Variants in ALMS1 observed in about 807,000 individuals in gnomAD.
The protein encoded by ALMS1 is ALMS1 centrosome and basal body associated protein.
ALMS1 carries 271 observed loss-of-function variants against 352.2 expected under a neutral mutation model. The ratio of observed to expected loss-of-function variants is 0.77; its 90% CI spans 0.70 to 0.85. The LOEUF is 0.85. Ranked by LOEUF, ALMS1 falls within the 40% of genes least tolerant of loss-of-function variation. The pLI is 0.00. For synonymous variants in ALMS1, 1,865 were observed against 1,761.2 expected (o/e 1.06, Z -1.48); for missense variants, 5,445 against 4,870.7 (o/e 1.12, Z -3.51).
At position 73,480,645 on chromosome 2, in the gene ALMS1, C is replaced by T. The variant is rs913140869; in HGVS notation, c.7675-8989C>T. On this transcript the variant is annotated intron_variant, in intron 9 of 22. Transcript: ENST00000613296. The stretch of plus-strand genomic sequence containing the variant: ...TTCTAGTTCTAGATCCCTGAGGAAT[C>T]GCCACATTGACTTCCACAATGGTTG... Among the ~76,000 whole-genome samples the T allele has an allele frequency of 3.3e-5, 5 of 151,330 alleles. No homozygotes were observed. The East Asian group carries it at 7.8e-4, about 23-fold the overall frequency.
rs1198051503 is a variant in ALMS1 at position 73,453,926 on chromosome 2, G to T, written c.7399G>T (p.Glu2467Ter). Residue 2467 changes from glutamate to a stop codon, truncating the protein, a stop_gained, in exon 8 of 23, where the codon GAG becomes TAG. Transcript: ENST00000613296. LOFTEE classifies it high-confidence loss of function. ...TAGCAGGGAGGAAGAGGGTGTGTCAGAGAGTGAGGATGGTGGTGGTAGCAG... is the reference window on the plus strand; with the variant it reads ...TAGCAGGGAGGAAGAGGGTGTGTCATAGAGTGAGGATGGTGGTGGTAGCAG... ...TDSREEEGVS[E>*]SEDGGGSSVD... The T allele has an allele frequency of 1.2e-6, 2 of 1,614,072 alleles. No homozygotes were observed. The highest frequency in any genetic ancestry group is 4.5e-5 in the East Asian group (2 of 44,866).
Position 73,472,719 on chromosome 2 carries a change from A to T in ALMS1, c.7675-16915A>T, listed in dbSNP as rs770820780. 2.6e-5 allele frequency among the ~76,000 whole-genome samples: 4 copies of T among 152,092 alleles called. No homozygotes were observed. The South Asian group carries it at 8.3e-4, about 31-fold the overall frequency. On this transcript the variant is annotated intron_variant, in intron 9 of 22. Coordinates refer to ENST00000613296, the MANE Select transcript of ALMS1 (RefSeq NM_001378454.1). ...CTAGATGAACAATGACTTTGAAGAC[A>T]GCAGCTTATACTCATGGTGCAGGCT... is the stretch of plus-strand genomic sequence containing the variant.
intron 13 of ALMS1, among the ~76,000 whole-genome samples, chr2:73,553,229 A>C (rs1023179320): frequency 2.0e-5 from 3 of 152,248 alleles, no homozygotes; most frequent in African/African-American, 7.2e-5. Flanking sequence ...GTTAGAAACC[A>C]AAGGAGTAAT....
rs779096125 is a variant in ALMS1, at chr2:73,450,015, A to G, written c.3488A>G (p.His1163Arg). The G allele has an allele frequency of 1.2e-6, 2 of 1,614,030 alleles. No homozygotes were observed. Among genetic ancestry groups the G allele is most frequent in the Non-Finnish European group, 8.5e-7 (1 of 1,179,948 alleles). The change falls in exon 8 of 23, where the codon CAT becomes CGT. Residue 1163 changes from histidine (H) to arginine (R), a missense_variant. Coordinates refer to ENST00000613296, the MANE Select transcript of ALMS1 (RefSeq NM_001378454.1). The part of the protein sequence containing the change: ...IFHQQALPGT[H>R]IPEEAQKVSA... ...CACCAGCAGGCCTTGCCAGGTACTC[A>G]TATACCTGAAGAGGCTCAGAAAGTT... is the stretch of plus-strand genomic sequence containing the variant.
chr2:73,509,431 G>A (rs1256769160), intron 10 of ALMS1, among the ~76,000 whole-genome samples: 1 of 152,118 alleles, frequency 6.6e-6, no homozygotes, highest in Non-Finnish European at 1.5e-5. Flanking sequence ...GCTTCCTTCA[G>A]GAGGTCTTGT....
At chr2:73,546,064 G>C (rs1446527221) in intron 12 of ALMS1, among the ~76,000 whole-genome samples, 1 of 152,108 alleles carries the variant, frequency 6.6e-6, no homozygotes, top group Non-Finnish European at 1.5e-5. Context: ...GACCCTCATG[G>C]GTTTCTTGAG....
rs1370702094 is a variant in ALMS1, at chr2:73,452,439, C to A, written c.5912C>A (p.Ser1971Tyr). The change falls in exon 8 of 23, where the codon TCT (serine) becomes TAT (tyrosine). Residue 1971 changes from serine (S) to tyrosine (Y), a missense_variant. By Grantham distance (144) the Ser-to-Tyr change is moderately radical (BLOSUM62 -2). Coordinates refer to ENST00000613296, the MANE Select transcript of ALMS1 (RefSeq NM_001378454.1). ...GAGGCTCTGAAAGTTTCACCTGTTT[C>A]TATACCAGCAGAGCAGAAGACTGGG... ...TEEALKVSPV[S>Y]IPAEQKTGIP... is the part of the protein sequence containing the mutation. 1 of 1,613,902 alleles carries A rather than the reference C, an allele frequency of 6.2e-7. No individual in the cohort carries two copies.
intron 9 of ALMS1, among the ~76,000 whole-genome samples, chr2:73,466,207 C>T (rs935980849): frequency 6.6e-6 from 1 of 152,072 alleles, no homozygotes; most frequent in Admixed American, 6.5e-5. Flanking sequence ...CGGCACTATT[C>T]ACAATAGCAA....
intron 12 of ALMS1, among the ~76,000 whole-genome samples, chr2:73,545,015 AG>A (rs1674282617): frequency 6.6e-6 from 1 of 152,072 alleles, no homozygotes; most frequent in Non-Finnish European, 1.5e-5. Context: ...TGTGTTTACT[AG>A]GGGCTGGGGC....
In ALMS1 at chr2:73,453,274, C is replaced by A. The variant is rs2103791280; in HGVS notation, c.6747C>A (p.Ile2249=). Residue 2249 remains isoleucine, a synonymous_variant, in exon 8 of 23, where the codon ATC becomes ATA. Coordinates refer to ENST00000613296, the MANE Select transcript of ALMS1 (RefSeq NM_001378454.1). ...TTAGAGATGTTGGCTCTGAAGAAAT[C>A]CAGGATGCAGAAAATAGTGCTAAAA... ...AGFRDVGSEE[I]QDAENSAKTL... The A allele has an allele frequency of 6.2e-7, 1 of 1,613,856 alleles. No individual in the cohort carries two copies. The highest frequency in any genetic ancestry group is 8.5e-7 in the Non-Finnish European group (1 of 1,179,966).
chr2:73,533,700 A>T (rs1673968260), intron 11 of ALMS1, among the ~76,000 whole-genome samples: 1 of 152,186 alleles, frequency 6.6e-6, no homozygotes, highest in South Asian at 2.1e-4. Flanking sequence ...ATCATGAAAG[A>T]AAAACTAGTA....
At chr2:73,534,754 G>C in intron 11 of ALMS1, 70 bp from the exon 12 acceptor site, 1 of 1,518,206 alleles carries the variant, frequency 6.6e-7, no homozygotes, top group Non-Finnish European at 9.1e-7. Context: ...AACATAGAAG[G>C]CATTCCATAT....
Position 73,489,753 on chromosome 2 carries a change from T to C in ALMS1, c.7794T>C (p.Asp2598=). The change falls in exon 10 of 23, where the codon GAT becomes GAC. Residue 2598 remains aspartate (D), a synonymous_variant. Transcript: ENST00000613296. ...RTLTSEHPQL[D]RHPCAFRSAG... ...TAACTTCTGAACATCCACAACTAGA[T>C]AGACACCCTTGTGCTTTCAGATCTG... 1 of 1,614,162 alleles carries C rather than the reference T, an allele frequency of 6.2e-7. No homozygotes were observed. Among genetic ancestry groups the C allele is most frequent in the Non-Finnish European group, 8.5e-7 (1 of 1,180,038 alleles).
At chr2:73,595,102 C>T (rs1397331943) in intron 16 of ALMS1, among the ~76,000 whole-genome samples, 1 of 152,218 alleles carries the variant, frequency 6.6e-6, no homozygotes, top group African/African-American at 2.4e-5. Flanking sequence ...ACTGGTAATA[C>T]AGTACAACCA....
At chr2:73,511,538 T>C (rs1392209956) in intron 10 of ALMS1, among the ~76,000 whole-genome samples, 2 of 152,066 alleles carry the variant, frequency 1.3e-5, no homozygotes, top group East Asian at 3.9e-4. Flanking sequence ...CTGGGTACCT[T>C]AGTCGGAAAT....
intron 10 of ALMS1, among the ~76,000 whole-genome samples, chr2:73,500,186 T>G (rs1673191802): frequency 6.6e-6 from 1 of 152,186 alleles, no homozygotes; most frequent in Admixed American, 6.5e-5. Flanking sequence ...TTAAATGCCA[T>G]AGAGAATGTT....
At chr2:73,609,500 G>C (rs1239829244) in intron 22 of ALMS1, 68 bp from the exon 23 acceptor site, 21 of 1,396,944 alleles carry the variant, frequency 1.5e-5, no homozygotes, top group Non-Finnish European at 2.0e-5. Context: ...TGGATGCAGG[G>C]AGGAGAGGCA....
intron 12 of ALMS1, among the ~76,000 whole-genome samples, chr2:73,548,029 C>A (rs1174834115): frequency 1.3e-5 from 2 of 152,042 alleles, no homozygotes; most frequent in African/African-American, 4.8e-5. Context: ...GTGCCATTTA[C>A]TGAGGTGGAG....
At chr2:73,594,326 T>A (rs1435735174) in intron 16 of ALMS1, among the ~76,000 whole-genome samples, 5 of 152,260 alleles carry the variant, frequency 3.3e-5, no homozygotes, top group Admixed American at 3.3e-4. Context: ...TTTCTATTTT[T>A]AAATGTTTAC....
Sources: gnomAD v4.1 joint callset for allele counts (sites outside exome capture counted in the v4.1 genomes callset) on GRCh38, gnomAD v4.1.1 for gene constraint, MANE v1.5 for transcripts, NCBI Gene and HGNC (gene_info 2026-07-23, HGNC 2026-07-21) for gene names.